TENM3: variants seen among roughly 807,000 people sequenced by gnomAD.
The protein encoded by TENM3 is teneurin transmembrane protein 3, also known as teneurin-3.
TENM3 carries 63 observed loss-of-function variants against 255.1 expected under a neutral mutation model. The observed-to-expected ratio is 0.25, with a 90% CI of 0.20 to 0.30. The LOEUF is 0.30. Ranked by LOEUF, TENM3 falls within the 10% of genes least tolerant of loss-of-function variation. The pLI, the probability that TENM3 is intolerant of heterozygous loss-of-function variation, is 1.00. For missense variants in TENM3, 2,929 were observed against 3,461.1 expected, an observed-to-expected ratio of 0.85 and a Z score of 3.86; for synonymous variants, 1,306 against 1,322.3, an observed-to-expected ratio of 0.99 and a Z score of 0.27.
chr4:181,586,099 G>A, the TENM3 span, among the ~76,000 whole-genome samples: 2 of 152,300 alleles, frequency 1.3e-5, no homozygotes, highest in East Asian at 3.9e-4. Context: ...AACTAGGTGG[G>A]ATGGAGGGAA....
chr4:181,877,449 ACT>A, the TENM3 span, among the ~76,000 whole-genome samples: 1 of 151,554 alleles, frequency 6.6e-6, no homozygotes, highest in Non-Finnish European at 1.5e-5. Context: ...AAGCAGAAAA[ACT>A]CTGTTAATTA....
At chr4:182,268,330 C>G (rs1165967940) in intron 1 of TENM3, among the ~76,000 whole-genome samples, 1 of 152,170 alleles carries the variant, frequency 6.6e-6, no homozygotes, top group Non-Finnish European at 1.5e-5. Flanking sequence ...GAGCTCCTCT[C>G]TACCCTAAAT....
At chr4:182,113,233 A>G in the TENM3 span, among the ~76,000 whole-genome samples, 1 of 152,238 alleles carries the variant, frequency 6.6e-6, no homozygotes, top group Non-Finnish European at 1.5e-5. Context: ...GTTTTCTTTT[A>G]ATAGACTTAA....
At chr4:181,749,966 C>T in the TENM3 span, among the ~76,000 whole-genome samples, 1 of 152,118 alleles carries the variant, frequency 6.6e-6, no homozygotes, top group Admixed American at 6.6e-5. Context: ...ATCTCTGTGT[C>T]TTCAGTGATC....
At chr4:182,479,304 G>C (rs1262029514) in intron 3 of TENM3, among the ~76,000 whole-genome samples, 1 of 151,740 alleles carries the variant, frequency 6.6e-6, no homozygotes, top group Non-Finnish European at 1.5e-5. Context: ...AAATACCAAA[G>C]ACCACTTTTA....
chr4:181,943,286 A>C, the TENM3 span, among the ~76,000 whole-genome samples: 1 of 152,232 alleles, frequency 6.6e-6, no homozygotes, highest in South Asian at 2.1e-4. Context: ...CTTGGAAACT[A>C]CTTAAAAAGA....
the TENM3 span, among the ~76,000 whole-genome samples, chr4:181,529,391 C>A: frequency 6.6e-6 from 1 of 152,198 alleles, no homozygotes; most frequent in Admixed American, 6.5e-5. Context: ...GAAGGAAGAG[C>A]TGCTCAATTC....
intron 5 of TENM3, among the ~76,000 whole-genome samples, chr4:182,652,227 C>T (rs898830337): frequency 2.6e-5 from 4 of 152,058 alleles, no homozygotes; most frequent in African/African-American, 9.7e-5. Flanking sequence ...AAATGAGATA[C>T]GAAAGTCAAC....
the TENM3 span, among the ~76,000 whole-genome samples, chr4:181,882,919 G>T: frequency 6.6e-6 from 1 of 152,136 alleles, no homozygotes; most frequent in Non-Finnish European, 1.5e-5. Flanking sequence ...AGCCAACAGA[G>T]TAGGCAGTGA....
At chr4:181,489,131 T>C in the TENM3 span, among the ~76,000 whole-genome samples, 16 of 152,220 alleles carry the variant, frequency 1.1e-4, no homozygotes, top group Admixed American at 8.5e-4. Flanking sequence ...TGCAATTCTG[T>C]AAATGCCCAG....
At chr4:182,762,832 T>C (rs1763319078) in intron 22 of TENM3, among the ~76,000 whole-genome samples, 2 of 152,112 alleles carry the variant, frequency 1.3e-5, no homozygotes, top group Non-Finnish European at 2.9e-5. Flanking sequence ...ATCTACATGC[T>C]TCAAGTCACC....
At chr4:181,753,272 A>G in the TENM3 span, among the ~76,000 whole-genome samples, 1 of 152,192 alleles carries the variant, frequency 6.6e-6, no homozygotes, top group Admixed American at 6.5e-5. Context: ...TTGGAATCCT[A>G]TATAATCAGA....
At chr4:182,757,113 C>G (rs1186492881) in intron 22 of TENM3, among the ~76,000 whole-genome samples, 1 of 151,916 alleles carries the variant, frequency 6.6e-6, no homozygotes, top group African/African-American at 2.4e-5. Context: ...GAGATCAAGA[C>G]CATCCTGGCT....
chr4:182,481,630 A>G (rs1013754830), intron 3 of TENM3, among the ~76,000 whole-genome samples: 8 of 152,122 alleles, frequency 5.3e-5, no homozygotes, highest in African/African-American at 1.7e-4. Context: ...CCCCGTCTCT[A>G]CTAAAATACA....
chr4:181,680,075 A>G, the TENM3 span, among the ~76,000 whole-genome samples: 4 of 152,052 alleles, frequency 2.6e-5, no homozygotes, highest in Admixed American at 1.3e-4. Context: ...GCTTGCTGCC[A>G]CACTGTGTCA....
chr4:182,398,069 A>C (rs17253665), intron 3 of TENM3, among the ~76,000 whole-genome samples: 12,246 of 152,204 alleles, frequency 0.08, 671 homozygotes, highest in Middle Eastern at 0.14. Flanking sequence ...AGCCCATCAA[A>C]ATAGAAATTC....
chr4:182,447,730 G>C (rs774799933), intron 3 of TENM3, among the ~76,000 whole-genome samples: 4 of 152,174 alleles, frequency 2.6e-5, no homozygotes, highest in Non-Finnish European at 5.9e-5. Context: ...GTGATGTAAG[G>C]TGCTTCATGT....
chr4:182,217,845 A>G (rs1309499812), intron 1 of TENM3, among the ~76,000 whole-genome samples: 1 of 152,192 alleles, frequency 6.6e-6, no homozygotes, highest in African/African-American at 2.4e-5. Flanking sequence ...TAATGTTATG[A>G]ATATTAAAGC....
the TENM3 span, among the ~76,000 whole-genome samples, chr4:181,990,445 A>G: frequency 6.6e-6 from 1 of 152,134 alleles, no homozygotes; most frequent in Admixed American, 6.6e-5. Context: ...AGTGTCCTCA[A>G]TCAGACCTAA....
Sources: gnomAD v4.1 joint callset for allele counts (sites outside exome capture counted in the v4.1 genomes callset) on GRCh38, gnomAD v4.1.1 for gene constraint, MANE v1.5 for transcripts, NCBI Gene and HGNC (gene_info 2026-07-23, HGNC 2026-07-21) for gene names.